Variants in DVL3 observed in about 807,000 individuals in gnomAD.
DVL3 encodes segment polarity protein dishevelled homolog DVL-3.
A neutral mutation model predicts 67.4 loss-of-function variants in DVL3; 27 were observed. The observed-to-expected ratio is 0.40, with a 90% confidence interval of 0.30 to 0.55. The LOEUF (loss-of-function observed/expected upper bound fraction) is 0.55. Ranked by LOEUF, DVL3 falls within the 20% of genes least tolerant of loss-of-function variation. The pLI, the probability that DVL3 is intolerant of heterozygous loss-of-function variation, is 0.46. For missense variants in DVL3, 819 were observed against 1,021.5 expected (o/e 0.80, Z 2.70); for synonymous variants, 369 against 396.8 (o/e 0.93, Z 0.83).
At position 184,173,494 on chromosome 3, in the gene DVL3, ATACC is replaced by A. The variant is rs1714920924; in HGVS notation, c.*2745_*2748del. On this transcript the variant is annotated 3_prime_UTR_variant, in exon 15 of 15. Coordinates refer to ENST00000313143, the MANE Select transcript of DVL3 (RefSeq NM_004423.4). ...CCTCGTATGTAAAATGATGATAATA[ATACC>A]TACCTCACAGGGTTGTTGTGAGGAT... 2 of 152,208 alleles carry A rather than the reference ATACC, an allele frequency of 1.3e-5. No individual in the cohort carries two copies. Among genetic ancestry groups the A allele is most frequent in the South Asian group, 4.1e-4 (2 of 4,824 alleles). The allele number at this position is 152,208 out of a possible 1,614,324, so 9.4% of individuals were successfully genotyped here.
In DVL3 at chr3:184,170,528, A is replaced by G; in HGVS notation, c.1924A>G (p.Ser642Gly). Residue 642 changes from serine (S) to glycine (G), a missense_variant, in exon 15 of 15, where the codon AGC becomes GGC. This residue lies in a region of DVL3 where 324 missense variants were observed against 331.3 expected (regional missense o/e 0.98). Transcript: ENST00000313143. This position sits in a 1 kb window ranked among gnomAD's most constrained non-coding sequence, Gnocchi z 6.5. ...CCACCGCAGCCACCATTCCCTGGCC[A>G]GCAGCCTTCGCAGCCACCACACACA... ...HSHRSHHSLA[S>G]SLRSHHTHPS... The G allele has an allele frequency of 6.2e-7, 1 of 1,610,574 alleles. No homozygotes were observed. The highest frequency in any genetic ancestry group is 1.1e-5 in the South Asian group (1 of 90,822).
Position 184,166,615 on chromosome 3 carries a change from C to T in DVL3, c.990C>T (p.Thr330=). 6.2e-7 allele frequency: 1 copy of T among 1,614,188 alleles called. No individual in the cohort carries two copies. Among genetic ancestry groups the T allele is most frequent in the Non-Finnish European group, 8.5e-7 (1 of 1,180,030 alleles). ...REIVHKPGPI[T]LTVAKCWDPS... is the part of the protein sequence containing the mutation. The stretch of plus-strand genomic sequence containing the variant: ...ACACCCTTGTTTTCAGGCCCATCAC[C>T]CTGACTGTAGCCAAGTGCTGGGACC... Residue 330 remains threonine, a synonymous_variant, in exon 10 of 15, where the codon ACC becomes ACT. Transcript: ENST00000313143. This position sits in a 1 kb window ranked among gnomAD's most constrained non-coding sequence, Gnocchi z 6.7.
chr3:184,169,699 C>T (rs1230795224), intron 13 of DVL3, among the ~76,000 whole-genome samples: 1 of 152,180 alleles, frequency 6.6e-6, no homozygotes, highest in Non-Finnish European at 1.5e-5. Flanking sequence ...AAGAGTTTTG[C>T]CGCTTCTAGC....
At position 184,167,653 on chromosome 3, in the gene DVL3, AG is replaced by A. The variant is rs1180258945; in HGVS notation, c.1275del (p.Leu426TrpfsTer47). 2 of 1,612,312 alleles carry A rather than the reference AG, an allele frequency of 1.2e-6. No individual in the cohort carries two copies. The highest frequency in any genetic ancestry group is 1.7e-5 in the Admixed American group (1 of 59,880). On this transcript the variant is annotated frameshift_variant, in exon 12 of 15. Coordinates refer to ENST00000313143, the MANE Select transcript of DVL3 (RefSeq NM_004423.4). LOFTEE classifies it high-confidence loss of function. The surrounding 1 kb of genome is among the most constrained non-coding windows in gnomAD (Gnocchi z 4.6). ...TAAAAGCCATGGCCTCCCCTGAATC[AG>A]GGTTGGAGGTCCGTGACCGCATGTG... ...IVKAMASPES[G>X]LEVRDRMWLK...
chr3:184,167,657 T>C lies in DVL3; in HGVS notation c.1276T>C (p.Leu426=). ...VKAMASPESG[L]EVRDRMWLKI... is the part of the protein sequence containing the mutation. The stretch of plus-strand genomic sequence containing the variant: ...AGCCATGGCCTCCCCTGAATCAGGG[T>C]TGGAGGTCCGTGACCGCATGTGGCT... Residue 426 remains leucine, a synonymous_variant, in exon 12 of 15, where the codon TTG becomes CTG. Coordinates refer to ENST00000313143, the MANE Select transcript of DVL3 (RefSeq NM_004423.4). The surrounding 1 kb of genome is among the most constrained non-coding windows in gnomAD (Gnocchi z 4.6). 3.1e-6 allele frequency: 5 copies of C among 1,614,028 alleles called. No homozygotes were observed. Among genetic ancestry groups the C allele is most frequent in the Non-Finnish European group, 4.2e-6 (5 of 1,179,988 alleles).
In DVL3 at chr3:184,165,586, C is replaced by T; in HGVS notation, c.763+95C>T. On this transcript the variant is annotated intron_variant, in intron 7 of 14. Coordinates refer to ENST00000313143, the MANE Select transcript of DVL3 (RefSeq NM_004423.4). This position sits in a 1 kb window ranked among gnomAD's most constrained non-coding sequence, Gnocchi z 4.1. Reference sequence around the variant, plus strand: ...GAGCGTAGAATATGTTCCCTGCCCTCAAGGAGCTCTCTTTCGTAAACATCA... The same window carrying T: ...GAGCGTAGAATATGTTCCCTGCCCTTAAGGAGCTCTCTTTCGTAAACATCA... 1.8e-6 allele frequency: 2 copies of T among 1,088,692 alleles called. No homozygotes were observed. The highest frequency in any genetic ancestry group is 2.8e-6 in the Non-Finnish European group (2 of 716,652). The allele number at this position is 1,088,692 out of a possible 1,614,324, so 67.4% of individuals were successfully genotyped here. A position where few individuals can be genotyped will look rare whatever the true frequency, so the allele number is the denominator to read the frequency against.
chr3:184,156,421 C>G (rs748886261), intron 1 of DVL3: 1 of 456,734 alleles, frequency 2.2e-6, no homozygotes, highest in South Asian at 1.5e-5. Flanking sequence ...GAGCCTGACC[C>G]CTGCGGAGTA....
Position 184,170,833 on chromosome 3 carries a change from A to G in DVL3, c.*78A>G. 1.9e-6 allele frequency: 3 copies of G among 1,578,324 alleles called. No homozygotes were observed. Among genetic ancestry groups the G allele is most frequent in the Non-Finnish European group, 8.6e-7 (1 of 1,162,888 alleles). On this transcript the variant is annotated 3_prime_UTR_variant, in exon 15 of 15. Transcript: ENST00000313143. This position sits in a 1 kb window ranked among gnomAD's most constrained non-coding sequence, Gnocchi z 6.5. ...CTCTCTCCATCCGTCCGTCTTTTTT[A>G]CTTTGTCTGGTACCTGAAAGGGAAA...
Position 184,170,403 on chromosome 3 carries a change from G to A in DVL3, c.1799G>A (p.Gly600Asp), listed in dbSNP as rs1021062497. The A allele has an allele frequency of 3.1e-6, 5 of 1,602,410 alleles. No individual in the cohort carries two copies. The highest frequency in any genetic ancestry group is 1.3e-5 in the African/African-American group (1 of 74,752). ...DPKAGDSKSGGSGSESDHTTR... is the reference protein window; with the variant it reads ...DPKAGDSKSGDSGSESDHTTR... ...AAGGCCGGGGACTCCAAGTCCGGGG[G>A]CAGCGGCAGCGAATCGGACCACACC... Residue 600 changes from glycine to aspartate, a missense_variant, in exon 15 of 15, where the codon GGC (glycine) becomes GAC (aspartate). Around this residue, in one of 3 missense-constraint regions of DVL3, gnomAD observed 324 missense variants for 331.3 expected, o/e 0.98. Coordinates refer to ENST00000313143, the MANE Select transcript of DVL3 (RefSeq NM_004423.4). The surrounding 1 kb of genome is among the most constrained non-coding windows in gnomAD (Gnocchi z 6.5).
At position 184,170,357 on chromosome 3, in the gene DVL3, C is replaced by A; in HGVS notation, c.1753C>A (p.Arg585=). 1 of 1,605,372 alleles carries A rather than the reference C, an allele frequency of 6.2e-7. No homozygotes were observed. Among genetic ancestry groups the A allele is most frequent in the Non-Finnish European group, 8.5e-7 (1 of 1,176,324 alleles). Residue 585 remains arginine (R), a synonymous_variant, in exon 15 of 15, where the codon CGG becomes AGG. Coordinates refer to ENST00000313143, the MANE Select transcript of DVL3 (RefSeq NM_004423.4). This position sits in a 1 kb window ranked among gnomAD's most constrained non-coding sequence, Gnocchi z 6.5. ...TGGCTCCAACCGTAGCGGCAGCGAT[C>A]GGAGGAAGGAGAAGGACCCGAAGGC... is the stretch of plus-strand genomic sequence containing the variant. ...SSGSNRSGSD[R]RKEKDPKAGD...
chr3:184,155,856 A>C lies in DVL3; in HGVS notation c.161+60A>C. 10 of 1,536,038 alleles carry C rather than the reference A, an allele frequency of 6.5e-6. No homozygotes were observed. Among genetic ancestry groups the C allele is most frequent in the Non-Finnish European group, 8.8e-6 (10 of 1,140,012 alleles). On this transcript the variant is annotated intron_variant, in intron 1 of 14. Transcript: ENST00000313143. The surrounding 1 kb of genome is among the most constrained non-coding windows in gnomAD (Gnocchi z 5.4). ...CGGCCGCTCTGGCTTCTAAGGGATGACGCGGTCCGTTTCGACTTGCCTCGC... is the reference window on the plus strand; with the variant it reads ...CGGCCGCTCTGGCTTCTAAGGGATGCCGCGGTCCGTTTCGACTTGCCTCGC...
In DVL3 at chr3:184,170,099, C is replaced by G; in HGVS notation, c.1592C>G (p.Pro531Arg). The change falls in exon 14 of 15, where the codon CCT (proline) becomes CGT (arginine). Residue 531 changes from proline (P) to arginine (R), a missense_variant. This residue lies in a region of DVL3 where 324 missense variants were observed against 331.3 expected (regional missense o/e 0.98). Transcript: ENST00000313143. This position sits in a 1 kb window ranked among gnomAD's most constrained non-coding sequence, Gnocchi z 6.5. ...CCTTTGCCGCACCCGGGGGCCGCCC[C>G]TTGGCCCATGGCTTTCCCGTACCAG... ...LAPLPHPGAA[P>R]WPMAFPYQYP... is the part of the protein sequence containing the mutation. The G allele has an allele frequency of 6.2e-7, 1 of 1,613,996 alleles. No individual in the cohort carries two copies. Among genetic ancestry groups the G allele is most frequent in the South Asian group, 1.1e-5 (1 of 91,068 alleles).
chr3:184,158,571 C>T (rs960966674), intron 1 of DVL3, among the ~76,000 whole-genome samples: 4 of 151,962 alleles, frequency 2.6e-5, no homozygotes, highest in East Asian at 1.9e-4. Context: ...ACCATTTCTC[C>T]GAGCCCCACA....
chr3:184,161,652 C>T (rs1008065306), intron 1 of DVL3, among the ~76,000 whole-genome samples: 3 of 152,150 alleles, frequency 2.0e-5, no homozygotes, highest in African/African-American at 4.8e-5. Context: ...TCACCACATT[C>T]CCCCGGCCAA....
rs556815339 is a variant in DVL3 at position 184,164,648 on chromosome 3, C to T, written c.463+47C>T. ...CACTGTCCGCACCTCACACCCTCCC[C>T]TCACTTTCCACCCAGCTACCCACCT... On this transcript the variant is annotated intron_variant, in intron 4 of 14. Coordinates refer to ENST00000313143, the MANE Select transcript of DVL3 (RefSeq NM_004423.4). This position sits in a 1 kb window ranked among gnomAD's most constrained non-coding sequence, Gnocchi z 5.3. 2.6e-6 allele frequency: 4 copies of T among 1,551,928 alleles called. No individual in the cohort carries two copies. The African/African-American group carries it at 4.1e-5, about 16-fold the overall frequency.
chr3:184,170,826 C>T lies in DVL3; in HGVS notation c.*71C>T, dbSNP rs1714807342. The stretch of plus-strand genomic sequence containing the variant: ...TGCGTTCCTCTCTCCATCCGTCCGT[C>T]TTTTTTACTTTGTCTGGTACCTGAA... On this transcript the variant is annotated 3_prime_UTR_variant, in exon 15 of 15. Coordinates refer to ENST00000313143, the MANE Select transcript of DVL3 (RefSeq NM_004423.4). The surrounding 1 kb of genome is among the most constrained non-coding windows in gnomAD (Gnocchi z 6.5). 4 of 1,584,398 alleles carry T rather than the reference C, an allele frequency of 2.5e-6. No homozygotes were observed. The highest frequency in any genetic ancestry group is 3.4e-6 in the Non-Finnish European group (4 of 1,165,934).
intron 1 of DVL3, among the ~76,000 whole-genome samples, chr3:184,161,842 A>G (rs1714392035): frequency 2.0e-5 from 3 of 152,226 alleles, no homozygotes; most frequent in Admixed American, 2.0e-4. Flanking sequence ...TCTGACATCT[A>G]CCAGTCCTGT....
Position 184,170,199 on chromosome 3 carries a change from C to T in DVL3, c.1692C>T (p.Ser564=). Residue 564 remains serine (S), a synonymous_variant, in exon 14 of 15, where the codon AGC becomes AGT. Coordinates refer to ENST00000313143, the MANE Select transcript of DVL3 (RefSeq NM_004423.4). The surrounding 1 kb of genome is among the most constrained non-coding windows in gnomAD (Gnocchi z 6.5). The part of the protein sequence containing the change: ...PELGYSYGGG[S]ASSQHSEGSR... ...TGGGCTACAGCTACGGCGGGGGCAG[C>T]GCCAGCAGTCAGCACAGCGAAGGTA... 6.2e-7 allele frequency: 1 copy of T among 1,611,282 alleles called. No individual in the cohort carries two copies. Among genetic ancestry groups the T allele is most frequent in the Non-Finnish European group, 8.5e-7 (1 of 1,179,708 alleles).
At position 184,165,021 on chromosome 3, in the gene DVL3, G is replaced by A. The variant is rs533406030; in HGVS notation, c.599+90G>A. 1.9e-6 allele frequency: 3 copies of A among 1,608,848 alleles called. No individual in the cohort carries two copies. Among genetic ancestry groups the A allele is most frequent in the East Asian group, 4.5e-5 (2 of 44,824 alleles). On this transcript the variant is annotated intron_variant, in intron 5 of 14. Transcript: ENST00000313143. This position sits in a 1 kb window ranked among gnomAD's most constrained non-coding sequence, Gnocchi z 4.1. ...ATGCGGGGCCCCTGGGAGGCTTATG[G>A]GCTTTGTGTTGGGGACCCAGGCCCT...
Sources: gnomAD v4.1 joint callset for allele counts (sites outside exome capture counted in the v4.1 genomes callset) on GRCh38, gnomAD v4.1.1 for gene constraint, gnomAD v4.1.1 regional missense constraint, Gnocchi (gnomAD v3.1) non-coding constraint, MANE v1.5 for transcripts, NCBI Gene and HGNC (gene_info 2026-07-23, HGNC 2026-07-21) for gene names.